Variants in CCDC40 observed in about 807,000 individuals in gnomAD.
CCDC40 encodes coiled-coil domain 40 molecular ruler complex subunit.
CCDC40 carries 104 observed loss-of-function variants against 124.5 expected under a neutral mutation model. That is an observed-to-expected ratio of 0.84 (90% confidence interval 0.71 to 0.98). CCDC40 has a LOEUF of 0.98. Ranked by LOEUF, CCDC40 falls within the 50% of genes least tolerant of loss-of-function variation. CCDC40 has a pLI of 0.00. For missense variants in CCDC40, 1,463 were observed against 1,503.9 expected, an observed-to-expected ratio of 0.97 and a Z score of 0.45; for synonymous variants, 580 against 602.9, an observed-to-expected ratio of 0.96 and a Z score of 0.56.
intron 10 of CCDC40, among the ~76,000 whole-genome samples, chr17:80,068,351 G>C (rs2038103350): frequency 6.6e-6 from 1 of 152,138 alleles, no homozygotes; most frequent in Non-Finnish European, 1.5e-5. Flanking sequence ...AAAAGTGCAG[G>C]CCGTGTAGAA....
rs556514347 is a variant in CCDC40, at chr17:80,085,414, C to G, written c.2235+426C>G. ...GAGGCCTGATGCCATATACGTCATCCAGGTCCCTGTACTCTCAAAGCCCCT... is the reference window on the plus strand; with the variant it reads ...GAGGCCTGATGCCATATACGTCATCGAGGTCCCTGTACTCTCAAAGCCCCT... On this transcript the variant is annotated intron_variant, in intron 13 of 19. Coordinates refer to ENST00000397545, the MANE Select transcript of CCDC40 (RefSeq NM_017950.4). Among the ~76,000 whole-genome samples the G allele has an allele frequency of 4.2e-3, 637 of 152,324 alleles. 1 individual carries two copies. Among genetic ancestry groups the G allele is most frequent in the Non-Finnish European group, 7.3e-3 (495 of 68,032 alleles).
In CCDC40 at chr17:80,058,614, C is replaced by T. The variant is rs370720427; in HGVS notation, c.1280C>T (p.Thr427Met). 98 of 1,614,090 alleles carry T rather than the reference C, an allele frequency of 6.1e-5. No homozygotes were observed. The highest frequency in any genetic ancestry group is 1.2e-4 in the Admixed American group (7 of 60,010). ...VMTQVVKKAETERIRAEIEKK... is the reference protein window; with the variant it reads ...VMTQVVKKAEMERIRAEIEKK... ...ACACAAGTGGTAAAGAAGGCCGAGA[C>T]GGAGAGGATCCGGGCAGAAATCGAG... The change falls in exon 8 of 20, where the codon ACG becomes ATG. Residue 427 changes from threonine (T) to methionine (M), a missense_variant. Thr to Met is a moderately conservative substitution (Grantham distance 81). Transcript: ENST00000397545. This position sits in a 1 kb window ranked among gnomAD's most constrained non-coding sequence, Gnocchi z 4.2.
chr17:80,059,513 A>G (rs1395538546), intron 9 of CCDC40, among the ~76,000 whole-genome samples: 1 of 149,676 alleles, frequency 6.7e-6, no homozygotes, highest in Admixed American at 6.7e-5. Flanking sequence ...AAAAACTATG[A>G]GTCACCATCT....
chr17:80,065,452 A>G lies in CCDC40; in HGVS notation c.1441-33A>G, dbSNP rs1042028765. On this transcript the variant is annotated intron_variant, in intron 9 of 19. Coordinates refer to ENST00000397545, the MANE Select transcript of CCDC40 (RefSeq NM_017950.4). ...GCTTTGCTCGCAAATGAAATGAGAC[A>G]GCCATTCCTGCCCCCTCCCCTGTTG... 3.7e-6 allele frequency: 6 copies of G among 1,611,646 alleles called. No homozygotes were observed. In the African/African-American group the frequency reaches 4.0e-5, roughly 11 times the overall value.
At position 80,059,304 on chromosome 17, in the gene CCDC40, G is replaced by A. The variant is rs543359880; in HGVS notation, c.1440+324G>A. Among the ~76,000 whole-genome samples, 51 of 152,174 alleles carry A rather than the reference G, an allele frequency of 3.4e-4. No individual in the cohort carries two copies. In the South Asian group the frequency reaches 8.3e-3, roughly 25 times the overall value. ...TCCTTAGCCTGCAGGGACCTCTTCC[G>A]GGGAGGACTGAAGTCTTTCTAACAA... On this transcript the variant is annotated intron_variant, in intron 9 of 19. Coordinates refer to ENST00000397545, the MANE Select transcript of CCDC40 (RefSeq NM_017950.4).
chr17:80,068,830 C>T (rs1156923989), intron 10 of CCDC40, among the ~76,000 whole-genome samples: 2 of 152,174 alleles, frequency 1.3e-5, no homozygotes, highest in Non-Finnish European at 2.9e-5. Flanking sequence ...AATATAAACA[C>T]CAAAGAACCG....
At chr17:80,038,318 G>GT in intron 2 of CCDC40, 132 bp downstream of exon 2, 1 of 650,846 alleles carries the variant, frequency 1.5e-6, no homozygotes, top group Non-Finnish European at 2.9e-6. Flanking sequence ...ATCACATGAG[G>GT]TTAGGAGTTT....
Position 80,058,102 on chromosome 17 carries a change from C to T in CCDC40, c.1160-392C>T, listed in dbSNP as rs552086089. ...CCTGCCCTGGATGTTCTCGTCTCCT[C>T]CCAGGGGACTTAAGACTCCACCTAA... On this transcript the variant is annotated intron_variant, in intron 7 of 19. Transcript: ENST00000397545. This position sits in a 1 kb window ranked among gnomAD's most constrained non-coding sequence, Gnocchi z 4.2. Among the ~76,000 whole-genome samples the T allele has an allele frequency of 6.6e-6, 1 of 152,212 alleles. No homozygotes were observed. The highest frequency in any genetic ancestry group is 2.1e-4 in the South Asian group (1 of 4,824).
At position 80,058,396 on chromosome 17, in the gene CCDC40, C is replaced by G; in HGVS notation, c.1160-98C>G. 9.0e-7 allele frequency: 1 copy of G among 1,113,984 alleles called. No homozygotes were observed. The highest frequency in any genetic ancestry group is 2.4e-5 in the East Asian group (1 of 41,938). The allele number at this position is 1,113,984 out of a possible 1,614,324, so 69.0% of individuals were successfully genotyped here. On this transcript the variant is annotated intron_variant, in intron 7 of 19. Transcript: ENST00000397545. This position sits in a 1 kb window ranked among gnomAD's most constrained non-coding sequence, Gnocchi z 4.2. ...AAAATGGCAGGAAGGGTGCCCAGAA[C>G]GGCTGTTCCCTGCTTCCTCCTGGGT... is the stretch of plus-strand genomic sequence containing the variant.
At position 80,048,786 on chromosome 17, in the gene CCDC40, C is replaced by A. The variant is rs753030068; in HGVS notation, c.855+25C>A. On this transcript the variant is annotated intron_variant, in intron 5 of 19. Transcript: ENST00000397545. ...CGTAAGGAAGCCTTCCCAGGTTTTG[C>A]TTTTGCCTACATGGATGGCGAATGA... 11 of 1,583,246 alleles carry A rather than the reference C, an allele frequency of 6.9e-6. No homozygotes were observed. The East Asian group carries it at 2.5e-4, about 37-fold the overall frequency.
chr17:80,038,770 AG>A (rs2037196849), intron 2 of CCDC40, among the ~76,000 whole-genome samples: 1 of 152,080 alleles, frequency 6.6e-6, no homozygotes, highest in African/African-American at 2.4e-5. Flanking sequence ...GGTTGCAGTG[AG>A]CCGAGATTGT....
rs11442765 is a variant in CCDC40 at position 80,057,875 on chromosome 17, C to CAA, written c.1160-607_1160-606dup. 2.2e-3 allele frequency among the ~76,000 whole-genome samples: 310 copies of CAA among 140,440 alleles called. 1 individual carries two copies. The highest frequency in any genetic ancestry group is 6.9e-3 in the African/African-American group (271 of 39,174). The allele number at this position is 140,440 out of a possible 152,430, so 92.1% of individuals were successfully genotyped here. On this transcript the variant is annotated intron_variant, in intron 7 of 19. Transcript: ENST00000397545. ...TGGGCGACAGAGCGAGATTTCGTCT[C>CAA]AAAAAAAAAAAAAGAAATCCATCTC...
Position 80,078,191 on chromosome 17 carries a change from C to T in CCDC40, c.1563-3355C>T, listed in dbSNP as rs538454774. 2.6e-5 allele frequency among the ~76,000 whole-genome samples: 4 copies of T among 151,826 alleles called. No individual in the cohort carries two copies. The South Asian group carries it at 6.3e-4, about 24-fold the overall frequency. ...CTAAAAATACAAAAAATTAGCCGGG[C>T]GTGGTGGCGGGCGCCTGTAGTCCCA... On this transcript the variant is annotated intron_variant, in intron 10 of 19. Coordinates refer to ENST00000397545, the MANE Select transcript of CCDC40 (RefSeq NM_017950.4).
intron 13 of CCDC40, 41 bp from the exon 14 acceptor site, chr17:80,085,962 G>A (rs746570164): frequency 4.6e-5 from 72 of 1,576,618 alleles, no homozygotes; most frequent in Admixed American, 2.3e-4. Flanking sequence ...GAGTCACTGC[G>A]CCCAGCCCTA....
intron 9 of CCDC40, among the ~76,000 whole-genome samples, chr17:80,063,301 G>A (rs980906042): frequency 1.3e-5 from 2 of 152,174 alleles, no homozygotes; most frequent in Admixed American, 1.3e-4. Context: ...CTAAGTGTTA[G>A]GGTTATTGAA....
At chr17:80,056,000 A>T (rs1568682562) in intron 7 of CCDC40, among the ~76,000 whole-genome samples, 81 of 7,554 alleles carry the variant, frequency 0.011, 4 homozygotes, top group South Asian at 0.035. Flanking sequence ...ATATATATAT[A>T]TATATATATA....
chr17:80,094,417 A>T (rs551332449), intron 17 of CCDC40, among the ~76,000 whole-genome samples: 37 of 150,470 alleles, frequency 2.5e-4, no homozygotes, highest in African/African-American at 7.6e-4. Context: ...GTCTCAAAAA[A>T]TTTTTTTTAT....
At chr17:80,055,947 GACT>G (rs1265747768) in intron 7 of CCDC40, among the ~76,000 whole-genome samples, 3 of 131,384 alleles carry the variant, frequency 2.3e-5, no homozygotes, top group Non-Finnish European at 4.7e-5. Flanking sequence ...AAGTAGCTGG[GACT>G]ACACACACAC....
intron 10 of CCDC40, among the ~76,000 whole-genome samples, chr17:80,073,361 G>A (rs889217471): frequency 2.6e-5 from 4 of 152,174 alleles, no homozygotes; most frequent in Non-Finnish European, 4.4e-5. Context: ...CCAGCGGTGC[G>A]TGCTCACTTC....
Sources: gnomAD v4.1 joint callset for allele counts (sites outside exome capture counted in the v4.1 genomes callset) on GRCh38, gnomAD v4.1.1 for gene constraint, Gnocchi (gnomAD v3.1) non-coding constraint, MANE v1.5 for transcripts, NCBI Gene and HGNC (gene_info 2026-07-23, HGNC 2026-07-21) for gene names.